Variants in PCDHA1 observed in about 807,000 individuals in gnomAD.
PCDHA1 encodes protocadherin alpha-1.
PCDHA1 carries 42 observed loss-of-function variants against 61.3 expected under a neutral mutation model. That is an observed-to-expected ratio of 0.69 (90% CI 0.54 to 0.89). The LOEUF is 0.89. Among genes scored for constraint, PCDHA1 ranks in the 40% least tolerant of loss-of-function variants. The probability of loss-of-function intolerance (pLI) is 0.00; values close to 1 mark genes in which losing one functional copy is unlikely to be tolerated. For synonymous variants in PCDHA1, 610 were observed against 553.8 expected, an observed-to-expected ratio of 1.10 and a Z score of -1.43; for missense variants, 1,256 against 1,235.3, an observed-to-expected ratio of 1.02 and a Z score of -0.25.
intron 1 of PCDHA1, chr5:140,884,247 C>T: frequency 6.2e-7 from 1 of 1,613,398 alleles, no homozygotes. Context: ...CCCGCGCTGA[C>T]GGCCACGGCA....
intron 1 of PCDHA1, chr5:140,850,562 C>T (rs782715661): frequency 6.3e-7 from 1 of 1,598,314 alleles, no homozygotes; most frequent in Non-Finnish European, 8.6e-7. Context: ...CCACGGGCCC[C>T]GAGGTGACGC....
Position 140,829,129 on chromosome 5 carries a change from C to G in PCDHA1, c.2394+40445C>G. 1 of 1,612,248 alleles carries G rather than the reference C, an allele frequency of 6.2e-7. No homozygotes were observed. Among genetic ancestry groups the G allele is most frequent in the Admixed American group, 1.7e-5 (1 of 59,996 alleles). ...TGAGAATTTTGGATAAAAATGATAA[C>G]GTCCCTGAGATAGCACTGACTTCCT... is the stretch of plus-strand genomic sequence containing the variant. On this transcript the variant is annotated intron_variant, in intron 1 of 3. Coordinates refer to ENST00000504120, the MANE Select transcript of PCDHA1 (RefSeq NM_018900.4).
chr5:140,925,124 A>AGGAAGGAAGGAAGGAAGGAAGG, intron 1 of PCDHA1, among the ~76,000 whole-genome samples: 1 of 151,856 alleles, frequency 6.6e-6, no homozygotes, highest in South Asian at 2.1e-4. Flanking sequence ...GAAGGAAGGA[A>AGGAAGGAAGGAAGGAAGGAAGG]AAAAAATTTC....
intron 1 of PCDHA1, chr5:140,852,618 T>A (rs1455728241): frequency 1.1e-6 from 1 of 941,332 alleles, no homozygotes; most frequent in Admixed American, 6.4e-5. Context: ...AAAACTTGAG[T>A]GGTCTCTGAG....
intron 1 of PCDHA1, chr5:140,814,799 C>T (rs2126658995): frequency 5.9e-5 from 9 of 152,134 alleles, no homozygotes; most frequent in Admixed American, 2.0e-4. Context: ...TTATACAACA[C>T]TTGACTTTAT....
chr5:140,848,526 G>T lies in PCDHA1; in HGVS notation c.2394+59842G>T. 1.9e-6 allele frequency: 3 copies of T among 1,594,384 alleles called. No individual in the cohort carries two copies. Among genetic ancestry groups the T allele is most frequent in the Non-Finnish European group, 2.6e-6 (3 of 1,164,792 alleles). ...ATACTCAAGTCGAGGAGATCCAGAGGGTCAGCCTCTACTGCTCTCGCTTCT... is the reference window on the plus strand; with the variant it reads ...ATACTCAAGTCGAGGAGATCCAGAGTGTCAGCCTCTACTGCTCTCGCTTCT... On this transcript the variant is annotated intron_variant, in intron 1 of 3. Coordinates refer to ENST00000504120, the MANE Select transcript of PCDHA1 (RefSeq NM_018900.4).
chr5:140,799,366 C>G (rs1554120905), intron 1 of PCDHA1, among the ~76,000 whole-genome samples: 1 of 152,016 alleles, frequency 6.6e-6, no homozygotes, highest in South Asian at 2.1e-4. Flanking sequence ...CATCTCATTA[C>G]TATGAAGTCC....
intron 1 of PCDHA1, chr5:140,847,946 T>C (rs1180480457): frequency 6.6e-6 from 1 of 151,812 alleles, no homozygotes; most frequent in Non-Finnish European, 1.5e-5. Context: ...CCTGGATTTC[T>C]CTTACACTAG....
intron 1 of PCDHA1, chr5:140,868,220 A>C (rs1360862031): frequency 6.6e-6 from 1 of 152,156 alleles, no homozygotes; most frequent in Admixed American, 6.5e-5. Context: ...TATATGTCAA[A>C]TAAAAACTCA....
intron 1 of PCDHA1, chr5:140,930,281 A>G (rs1554207692): frequency 6.6e-6 from 1 of 152,242 alleles, no homozygotes; most frequent in Non-Finnish European, 1.5e-5. Flanking sequence ...TAGGGGACAA[A>G]TACACTTAAC....
At chr5:140,952,057 C>T (rs1214818651) in intron 1 of PCDHA1, among the ~76,000 whole-genome samples, 1 of 152,164 alleles carries the variant, frequency 6.6e-6, no homozygotes, top group Non-Finnish European at 1.5e-5. Flanking sequence ...AATCTTAAAG[C>T]TCCAAATAAT....
At chr5:140,877,705 G>A (rs974017564) in intron 1 of PCDHA1, 1 of 1,614,016 alleles carries the variant, frequency 6.2e-7, no homozygotes, top group South Asian at 1.1e-5. Flanking sequence ...CTCCAGCGCC[G>A]TGGGGAGTTG....
At chr5:140,999,977 C>T (rs1554257051) in intron 3 of PCDHA1, among the ~76,000 whole-genome samples, 1 of 152,068 alleles carries the variant, frequency 6.6e-6, no homozygotes, top group Non-Finnish European at 1.5e-5. Flanking sequence ...GCAGCTCTAG[C>T]GGCCTCTGGG....
At chr5:140,837,111 G>A (rs1774917458) in intron 1 of PCDHA1, 1 of 158,706 alleles carries the variant, frequency 6.3e-6, no homozygotes, top group Non-Finnish European at 1.4e-5. Flanking sequence ...TAATATATAT[G>A]TTACCTAATA....
At chr5:140,818,013 C>T (rs2150099839) in intron 1 of PCDHA1, among the ~76,000 whole-genome samples, 37 of 152,152 alleles carry the variant, frequency 2.4e-4, no homozygotes, top group African/African-American at 8.4e-4. Flanking sequence ...TCACTTTTAA[C>T]AGCTTTACTA....
At chr5:140,835,950 T>C (rs2150248935) in intron 1 of PCDHA1, 44 of 1,612,684 alleles carry the variant, frequency 2.7e-5, no homozygotes, top group Middle Eastern at 3.6e-4. Context: ...GCTGCAGCCG[T>C]TGGACCACGA....
intron 1 of PCDHA1, among the ~76,000 whole-genome samples, chr5:140,895,848 G>C (rs147299280): frequency 2.2e-3 from 342 of 152,098 alleles, no homozygotes; most frequent in African/African-American, 8.1e-3. Context: ...TCTCACTCTT[G>C]TACCCCAGGC....
At chr5:140,884,321 G>A in intron 1 of PCDHA1, 1 of 1,613,854 alleles carries the variant, frequency 6.2e-7, no homozygotes, top group Non-Finnish European at 8.5e-7. Context: ...GGCGTCGGCA[G>A]GCGCTGTGGG....
chr5:140,879,675 G>A (rs141369145), intron 1 of PCDHA1, among the ~76,000 whole-genome samples: 1 of 152,360 alleles, frequency 6.6e-6, no homozygotes, highest in South Asian at 2.1e-4. Context: ...CAAACTGGGT[G>A]CTGTAAAACA....
Sources: allele counts gnomAD v4.1 joint callset (sites outside exome capture counted in the v4.1 genomes callset), GRCh38; gene constraint gnomAD v4.1.1; transcripts MANE v1.5; gene names NCBI Gene and HGNC (gene_info 2026-07-23, HGNC 2026-07-21).